The following SNX29 variants were observed in gnomAD, a reference collection of about 807,000 sequenced individuals.
The protein encoded by SNX29 is sorting nexin 29, also known as sorting nexin-29.
SNX29 carries 78 observed loss-of-function variants against 102.1 expected under a neutral mutation model. The observed-to-expected ratio is 0.76, with a 90% CI of 0.64 to 0.92. The LOEUF (loss-of-function observed/expected upper bound fraction) is 0.92. Among genes scored for constraint, SNX29 ranks in the 40% least tolerant of loss-of-function variants. The pLI is 0.00. For missense variants in SNX29, 1,280 were observed against 1,061.7 expected, an observed-to-expected ratio of 1.21 and a Z score of -2.86; for synonymous variants, 580 against 414.5, an observed-to-expected ratio of 1.40 and a Z score of -4.85.
At position 12,251,712 on chromosome 16, in the gene SNX29, A is replaced by G. The variant is rs1274899090; in HGVS notation, c.1679-26221A>G. Among the ~76,000 whole-genome samples the G allele has an allele frequency of 2.0e-5, 3 of 152,138 alleles. No individual in the cohort carries two copies. In the East Asian group the frequency reaches 5.8e-4, roughly 29 times the overall value. Reference sequence around the variant, plus strand: ...AGTAAGACTCTGTCTCCAAAACAAAAGCAAAAACAAAAACCAAACACAAAT... The same window carrying G: ...AGTAAGACTCTGTCTCCAAAACAAAGGCAAAAACAAAAACCAAACACAAAT... On this transcript the variant is annotated intron_variant, in intron 14 of 20. Transcript: ENST00000566228.
At chr16:12,120,255 T>C (rs1452146042) in intron 11 of SNX29, among the ~76,000 whole-genome samples, 1 of 152,206 alleles carries the variant, frequency 6.6e-6, no homozygotes, top group East Asian at 1.9e-4. Flanking sequence ...AGAGGAACAT[T>C]CTTTATTTGT....
At chr16:12,492,562 T>G (rs1309157510) in intron 19 of SNX29, among the ~76,000 whole-genome samples, 1 of 152,158 alleles carries the variant, frequency 6.6e-6, no homozygotes, top group Non-Finnish European at 1.5e-5. Flanking sequence ...ATTTTGGCTT[T>G]TGTTGCCATT....
intron 12 of SNX29, among the ~76,000 whole-genome samples, chr16:12,127,840 T>A (rs537670186): frequency 6.6e-6 from 1 of 152,236 alleles, no homozygotes; most frequent in African/African-American, 2.4e-5. Context: ...GATGAAATTC[T>A]GGCTCCCATC....
At chr16:11,981,485 C>T (rs2055413524) in intron 1 of SNX29, among the ~76,000 whole-genome samples, 1 of 152,112 alleles carries the variant, frequency 6.6e-6, no homozygotes, top group African/African-American at 2.4e-5. Context: ...TCCTTTTCCC[C>T]CTTGCATTTG....
At chr16:12,038,912 A>C (rs1445238376) in intron 4 of SNX29, 1 of 152,098 alleles carries the variant, frequency 6.6e-6, no homozygotes, top group Non-Finnish European at 1.5e-5. Context: ...TGGTTTCTTG[A>C]GTGAGGCGGA....
intron 18 of SNX29, among the ~76,000 whole-genome samples, chr16:12,461,974 AAAAAATATATATATATATATATAT>A (rs1190217976): frequency 3.5e-5 from 2 of 57,198 alleles, no homozygotes; most frequent in South Asian, 7.6e-4. Flanking sequence ...AAAAAAAAAA[AAAAAATATATATATATATATATAT>A]ATATATATAT....
At chr16:12,292,242 C>A (rs146128289) in intron 15 of SNX29, among the ~76,000 whole-genome samples, 276 of 152,238 alleles carry the variant, frequency 1.8e-3, no homozygotes, top group Middle Eastern at 3.4e-3. Flanking sequence ...GACTGATAGA[C>A]CGTAGAGTGA....
Position 12,572,821 on chromosome 16 carries a change from T to TC in SNX29, c.*4195dup. ...AGTACATCAGACTGGTTAGGAGGCA[T>TC]CCCAGAAGGGGCAGCCTCATGCCCA... On this transcript the variant is annotated 3_prime_UTR_variant, in exon 21 of 21. Transcript: ENST00000566228. 9.4e-7 allele frequency: 1 copy of TC among 1,063,894 alleles called. No individual in the cohort carries two copies. Among genetic ancestry groups the TC allele is most frequent in the East Asian group, 5.0e-5 (1 of 19,928 alleles). The allele number at this position is 1,063,894 out of a possible 1,614,324, so 65.9% of individuals were successfully genotyped here.
intron 14 of SNX29, among the ~76,000 whole-genome samples, chr16:12,221,701 G>A (rs2077482448): frequency 6.6e-6 from 1 of 152,198 alleles, no homozygotes; most frequent in Non-Finnish European, 1.5e-5. Context: ...GTGGCTTTGT[G>A]GGGAAGTATT....
chr16:12,396,929 C>G (rs2083744825), intron 16 of SNX29, among the ~76,000 whole-genome samples: 1 of 152,112 alleles, frequency 6.6e-6, no homozygotes. Flanking sequence ...TTTTTTGAAA[C>G]AGGGTCATGC....
intron 20 of SNX29, among the ~76,000 whole-genome samples, chr16:12,566,127 C>CA (rs1555464274): frequency 6.6e-6 from 1 of 152,240 alleles, no homozygotes; most frequent in Non-Finnish European, 1.5e-5. Flanking sequence ...GTCCAAGGCT[C>CA]AGAGGGCAGG....
chr16:12,282,238 G>A (rs1193334475), intron 15 of SNX29, among the ~76,000 whole-genome samples: 2 of 152,194 alleles, frequency 1.3e-5, no homozygotes, highest in African/African-American at 2.4e-5. Context: ...CACTACCGAT[G>A]TTCAAGAGAA....
intron 17 of SNX29, among the ~76,000 whole-genome samples, chr16:12,403,233 T>C (rs1255624818): frequency 6.7e-6 from 1 of 149,000 alleles, no homozygotes; most frequent in Non-Finnish European, 1.5e-5. Flanking sequence ...TGTGTGTGTG[T>C]GTGTGTGTGT....
chr16:12,480,133 T>C (rs2087837827), intron 19 of SNX29, among the ~76,000 whole-genome samples: 1 of 152,222 alleles, frequency 6.6e-6, no homozygotes, highest in Non-Finnish European at 1.5e-5. Context: ...CAACACTTGC[T>C]GTGTTAGTTT....
Position 12,552,462 on chromosome 16 carries a change from T to A in SNX29, c.2319-16044T>A, listed in dbSNP as rs578132119. 2.5e-4 allele frequency among the ~76,000 whole-genome samples: 38 copies of A among 152,274 alleles called. No homozygotes were observed. The South Asian group carries it at 4.4e-3, about 17-fold the overall frequency. ...GCTGGAGTGAAATACCTCGGGTCCA[T>A]CTCATCACCCAACGATTGGGCCTCA... is the stretch of plus-strand genomic sequence containing the variant. On this transcript the variant is annotated intron_variant, in intron 20 of 20. Coordinates refer to ENST00000566228, the MANE Select transcript of SNX29 (RefSeq NM_032167.5).
intron 14 of SNX29, among the ~76,000 whole-genome samples, chr16:12,257,555 C>T (rs970338278): frequency 1.3e-5 from 2 of 152,150 alleles, no homozygotes; most frequent in Non-Finnish European, 2.9e-5. Context: ...GCCATCCAGC[C>T]TGGAGTGCAA....
At chr16:12,088,829 T>C (rs2052352413) in intron 11 of SNX29, among the ~76,000 whole-genome samples, 1 of 152,218 alleles carries the variant, frequency 6.6e-6, no homozygotes, top group Non-Finnish European at 1.5e-5. Flanking sequence ...CCCATGCCTA[T>C]AATCCCAGCA....
chr16:12,355,381 G>C (rs1319594860), intron 15 of SNX29, among the ~76,000 whole-genome samples: 1 of 152,136 alleles, frequency 6.6e-6, no homozygotes. Flanking sequence ...CAAATGGCCT[G>C]GTATTGTTTT....
intron 14 of SNX29, among the ~76,000 whole-genome samples, chr16:12,239,548 C>G (rs1283703517): frequency 2.8e-5 from 4 of 143,342 alleles, no homozygotes; most frequent in Admixed American, 7.6e-5. Flanking sequence ...TATTTTTTGG[C>G]AGGGCATGGT....
Sources: gnomAD v4.1 joint callset for allele counts (sites outside exome capture counted in the v4.1 genomes callset) on GRCh38, gnomAD v4.1.1 for gene constraint, MANE v1.5 for transcripts, NCBI Gene and HGNC (gene_info 2026-07-23, HGNC 2026-07-21) for gene names.